Variants in MYO15B observed in about 807,000 individuals in gnomAD.
MYO15B encodes myosin XVB pseudogene.
In MYO15B, 207 loss-of-function variants were observed where a neutral mutation model predicts 119.3. The ratio of observed to expected loss-of-function variants is 1.73; its 90% confidence interval spans 1.55 to 1.95. The LOEUF is 1.95. MYO15B is among the 30% of genes most tolerant of loss of function. The pLI is 0.00. For synonymous variants in MYO15B, 966 were observed against 498.9 expected (o/e 1.94, Z -12.48); for missense variants, 2,264 against 1,203.1 (o/e 1.88, Z -13.04).
At chr17:75,621,274 C>G (rs546054230) in intron 50 of MYO15B, 71 bp from the exon 51 acceptor site, 1 of 664,050 alleles carries the variant, frequency 1.5e-6, no homozygotes, top group Admixed American at 2.1e-5. Context: ...TTAGCACTCT[C>G]CCTGCCTGGC....
chr17:75,588,712 C>T (rs754949877), exon 1 of MYO15B: 3 of 398,940 alleles, frequency 7.5e-6, no homozygotes, highest in Non-Finnish European at 1.3e-5. Context: ...CGCAGATACC[C>T]GGGGCCGGGA....
At chr17:75,626,268 GTGAGGGCCTTGCCCCAGCA>G (rs777938466) in intron 63 of MYO15B, 40 bp downstream of exon 63, 16 of 700,864 alleles carry the variant, frequency 2.3e-5, no homozygotes, top group Middle Eastern at 4.6e-4. Context: ...GAAGGTGGAT[GTGAGGGCCTTGCCCCAGCA>G]TGGCGTGCAG....
chr17:75,596,531 C>T lies in MYO15B; in HGVS notation c.3369C>T (p.Ser1123=), dbSNP rs72854930. The change falls in exon 13 of 64, where the codon AGC becomes AGT. Residue 1123 remains serine, a synonymous_variant. Transcript: ENST00000645453. ...GCGAGCGCCTACAGCTCTTCTCCAG[C>T]CAGATGCTGCTGGCCCAGGAGGAGG... is the stretch of plus-strand genomic sequence containing the variant. 2,286 of 703,012 alleles carry T rather than the reference C, an allele frequency of 3.3e-3. 3 individuals are homozygous for T. The highest frequency in any genetic ancestry group is 5.2e-3 in the Non-Finnish European group (1,992 of 384,970). The allele number at this position is 703,012 out of a possible 1,614,324, so 43.5% of individuals were successfully genotyped here. A position where few individuals can be genotyped will look rare whatever the true frequency, so the allele number is the denominator to read the frequency against.
At chr17:75,591,205 C>T (rs1032022543) in exon 4 of MYO15B, 3 of 702,892 alleles carry the variant, frequency 4.3e-6, no homozygotes, top group African/African-American at 3.5e-5. Context: ...CAGCCTATGA[C>T]CTGGCTCAGA....
At chr17:75,615,628 C>A (rs997217981) in intron 35 of MYO15B, 28 bp downstream of exon 35, 3 of 678,948 alleles carry the variant, frequency 4.4e-6, no homozygotes, top group African/African-American at 3.6e-5. Flanking sequence ...CCTGGGGCCA[C>A]CTGGTGGAGG....
chr17:75,607,487 G>T (rs1454294837), intron 21 of MYO15B, among the ~76,000 whole-genome samples: 1 of 150,988 alleles, frequency 6.6e-6, no homozygotes, highest in African/African-American at 2.4e-5. Flanking sequence ...GTCTTGCTCT[G>T]TTGCCCAGGC....
chr17:75,616,917 G>A, exon 40 of MYO15B: 1 of 702,990 alleles, frequency 1.4e-6, no homozygotes, highest in South Asian at 1.5e-5. Flanking sequence ...CAAGGACGAG[G>A]CTCTGGCCAA....
At chr17:75,606,276 A>C (rs1036730508) in intron 21 of MYO15B, among the ~76,000 whole-genome samples, 1 of 151,140 alleles carries the variant, frequency 6.6e-6, no homozygotes, top group African/African-American at 2.4e-5. Context: ...CTCCTTTATC[A>C]TTCTCTTTTC....
chr17:75,595,075 T>G (rs1295085440), intron 12 of MYO15B, 103 bp downstream of exon 12: 1 of 644,468 alleles, frequency 1.6e-6, no homozygotes, highest in Non-Finnish European at 2.8e-6. Flanking sequence ...ACTCGCGAGG[T>G]GCTTGTCTGT....
At chr17:75,615,075 T>A in intron 33 of MYO15B, 33 bp downstream of exon 33, 1 of 697,494 alleles carries the variant, frequency 1.4e-6, no homozygotes. Context: ...ACCCAGGGCC[T>A]CCGGGCCCGG....
chr17:75,613,666 T>G (rs1237481714), intron 28 of MYO15B, 39 bp from the exon 29 acceptor site: 2 of 699,004 alleles, frequency 2.9e-6, no homozygotes, highest in Non-Finnish European at 5.2e-6. Context: ...TGGACTCTGC[T>G]GTCCCTCACT....
chr17:75,591,981 A>G, exon 6 of MYO15B: 1 of 702,474 alleles, frequency 1.4e-6, no homozygotes, highest in East Asian at 2.7e-5. Context: ...GTACAGGTGG[A>G]GGATATGCTG....
chr17:75,609,951 A>G (rs935904430), intron 21 of MYO15B, among the ~76,000 whole-genome samples: 1 of 150,650 alleles, frequency 6.6e-6, no homozygotes, highest in Non-Finnish European at 1.5e-5. Flanking sequence ...TTGGCCTCCC[A>G]AAGTGCTGGG....
At chr17:75,598,341 G>A (rs1235651194) in intron 14 of MYO15B, among the ~76,000 whole-genome samples, 1 of 151,782 alleles carries the variant, frequency 6.6e-6, no homozygotes, top group Non-Finnish European at 1.5e-5. Context: ...CACTTTGGGA[G>A]GCCAAGGTGG....
intron 22 of MYO15B, 72 bp from the exon 23 acceptor site, chr17:75,610,828 T>C: frequency 4.3e-6 from 3 of 701,676 alleles, no homozygotes; most frequent in Non-Finnish European, 7.8e-6. Flanking sequence ...ACAGCTGAAC[T>C]TCAGAGCTGG....
At chr17:75,608,651 T>A (rs1381479212) in intron 21 of MYO15B, among the ~76,000 whole-genome samples, 1 of 151,758 alleles carries the variant, frequency 6.6e-6, no homozygotes, top group Non-Finnish European at 1.5e-5. Flanking sequence ...CTCCAGCTAC[T>A]GGTTTCAAGT....
At position 75,614,758 on chromosome 17, in the gene MYO15B, CT is replaced by C; in HGVS notation, c.5483-14del. 1.4e-6 allele frequency: 1 copy of C among 702,850 alleles called. No individual in the cohort carries two copies. The highest frequency in any genetic ancestry group is 2.6e-6 in the Non-Finnish European group (1 of 385,014). 43.5% of individuals were successfully genotyped at this position (702,850 alleles called of 1,614,324 possible). A position where few individuals can be genotyped will look rare whatever the true frequency, so the allele number is the denominator to read the frequency against. On this transcript the variant is annotated splice_polypyrimidine_tract_variant and intron_variant, in intron 31 of 63. Transcript: ENST00000645453. ...CGCCCCGGGCCATGGCTCCAACCCT[CT>C]CCCTGCCCCACAGGGGAGGTCCAGA...
chr17:75,625,549 C>T (rs190150737), exon 61 of MYO15B: 2 of 703,100 alleles, frequency 2.8e-6, no homozygotes, highest in African/African-American at 3.5e-5. Context: ...AGCTTACGTG[C>T]CAAAGCAGCT....
At chr17:75,607,196 A>C (rs2057711228) in intron 21 of MYO15B, 1 of 378,326 alleles carries the variant, frequency 2.6e-6, no homozygotes, top group South Asian at 1.5e-4. Context: ...CCGCAAACAG[A>C]AACTCTGGAC....
Sources: allele counts gnomAD v4.1 joint callset (sites outside exome capture counted in the v4.1 genomes callset), GRCh38; gene constraint gnomAD v4.1.1; transcripts MANE v1.5; gene names NCBI Gene and HGNC (gene_info 2026-07-23, HGNC 2026-07-21).